RASSF8: variants seen among roughly 807,000 people sequenced by gnomAD.
RASSF8 encodes the protein ras association domain-containing protein 8.
In RASSF8, 22 loss-of-function variants were observed where a neutral mutation model predicts 48.5. The ratio of observed to expected loss-of-function variants is 0.45; its 90% CI spans 0.32 to 0.65. The LOEUF (loss-of-function observed/expected upper bound fraction) is 0.65, where lower values mean the gene tolerates loss of function less well. Among genes scored for constraint, RASSF8 ranks in the 30% least tolerant of loss-of-function variants. The pLI, the probability that RASSF8 is intolerant of heterozygous loss-of-function variation, is 0.03. For missense variants in RASSF8, 418 were observed against 489.2 expected (o/e 0.85, Z 1.37); for synonymous variants, 127 against 171.5 (o/e 0.74, Z 2.03).
chr12:26,007,929 C>T (rs1027844971), intron 2 of RASSF8, among the ~76,000 whole-genome samples: 1 of 152,180 alleles, frequency 6.6e-6, no homozygotes, highest in Admixed American at 6.5e-5. Context: ...TTTATCATCT[C>T]AAGACATTAA....
chr12:25,999,250 G>A (rs1942201015), intron 2 of RASSF8, among the ~76,000 whole-genome samples: 1 of 152,148 alleles, frequency 6.6e-6, no homozygotes, highest in South Asian at 2.1e-4. Flanking sequence ...GATTCACAGT[G>A]AAATCAAGAG....
chr12:26,065,467 T>C, intron 4 of RASSF8, 80 bp downstream of exon 4: 1 of 1,468,792 alleles, frequency 6.8e-7, no homozygotes, highest in Non-Finnish European at 9.1e-7. Flanking sequence ...TCATTGTCAA[T>C]TTTTCCTTAT....
rs545852226 is a variant in RASSF8 at position 25,991,424 on chromosome 12, T to G, written c.-202-3613T>G. ...ACAGACGTAACTTTTTTTTTTTTCT[T>G]TTTTTGAACTCTCACCTAGTTTCTT... is the stretch of plus-strand genomic sequence containing the variant. On this transcript the variant is annotated intron_variant, in intron 1 of 5. Transcript: ENST00000689635. Among the ~76,000 whole-genome samples the G allele has an allele frequency of 6.6e-5, 10 of 152,282 alleles. No homozygotes were observed. The East Asian group carries it at 1.9e-3, about 29-fold the overall frequency.
intron 2 of RASSF8, among the ~76,000 whole-genome samples, chr12:26,040,666 GCCT>G (rs974065977): frequency 3.3e-5 from 5 of 151,990 alleles, no homozygotes; most frequent in African/African-American, 1.2e-4. Context: ...ACTTTACCTG[GCCT>G]CCTCAGTGGT....
rs1483744453 is a variant in RASSF8, at chr12:25,992,036, AATAG to A, written c.-202-2997_-202-2994del. 9.2e-5 allele frequency among the ~76,000 whole-genome samples: 14 copies of A among 152,208 alleles called. No homozygotes were observed. In the East Asian group the frequency reaches 2.1e-3, roughly 23 times the overall value. On this transcript the variant is annotated intron_variant, in intron 1 of 5. Transcript: ENST00000689635. ...TTATGGTCATTTCAAATATTTGTAT[AATAG>A]ATAACTGTTTTTCAGACATGTGGTA...
At chr12:26,073,959 TAGAG>T (rs909294644), downstream of RASSF8, among the ~76,000 whole-genome samples, 7 of 148,082 alleles carry the variant, frequency 4.7e-5, no homozygotes, top group South Asian at 2.2e-4. Flanking sequence ...TCTATATATA[TAGAG>T]AGAGAGAGAG....
chr12:26,066,721 CAA>C (rs1385607922), intron 4 of RASSF8, among the ~76,000 whole-genome samples: 1 of 152,216 alleles, frequency 6.6e-6, no homozygotes. Context: ...CCCCTACACT[CAA>C]ATAAGTGGAG....
intron 1 of RASSF8, among the ~76,000 whole-genome samples, chr12:25,987,940 C>T (rs539198941): frequency 2.4e-4 from 37 of 151,960 alleles, no homozygotes; most frequent in Admixed American, 3.9e-4. Flanking sequence ...CAACCTCTGC[C>T]TCCCGGGTTC....
chr12:26,009,994 A>G (rs1942484099), intron 2 of RASSF8, among the ~76,000 whole-genome samples: 1 of 152,204 alleles, frequency 6.6e-6, no homozygotes, highest in African/African-American at 2.4e-5. Flanking sequence ...GAAAAGAAAA[A>G]CTGATGGAGA....
At chr12:26,047,979 C>T (rs1943407642) in intron 2 of RASSF8, among the ~76,000 whole-genome samples, 3 of 152,136 alleles carry the variant, frequency 2.0e-5, no homozygotes, top group South Asian at 2.1e-4. Flanking sequence ...AGGCAGATGC[C>T]GTAAGGGTCC....
intron 2 of RASSF8, among the ~76,000 whole-genome samples, chr12:26,009,807 G>C (rs1450549556): frequency 6.6e-6 from 1 of 152,098 alleles, no homozygotes; most frequent in African/African-American, 2.4e-5. Context: ...AGATGGTAGG[G>C]GCAAAAGCAT....
At chr12:26,052,054 C>G (rs555199180) in intron 2 of RASSF8, among the ~76,000 whole-genome samples, 2 of 152,184 alleles carry the variant, frequency 1.3e-5, no homozygotes, top group African/African-American at 2.4e-5. Context: ...AGCTGAAACA[C>G]AAAGGCAATG....
chr12:26,058,884 A>G (rs1393175002), intron 3 of RASSF8, among the ~76,000 whole-genome samples: 1 of 152,226 alleles, frequency 6.6e-6, no homozygotes, highest in Non-Finnish European at 1.5e-5. Context: ...CAGAATAACT[A>G]AAAGTGAAAC....
At chr12:26,019,546 G>A (rs558077505) in intron 2 of RASSF8, among the ~76,000 whole-genome samples, 3 of 150,816 alleles carry the variant, frequency 2.0e-5, no homozygotes, top group Non-Finnish European at 4.4e-5. Context: ...AGGCTTGTGT[G>A]GAAGTTCGGG....
intron 2 of RASSF8, among the ~76,000 whole-genome samples, chr12:26,010,376 C>T (rs1251740481): frequency 6.6e-6 from 1 of 152,140 alleles, no homozygotes; most frequent in Non-Finnish European, 1.5e-5. Context: ...TGGCACAGAG[C>T]CTGTAGAATA....
chr12:26,028,953 G>T (rs1411028271), intron 2 of RASSF8, among the ~76,000 whole-genome samples: 2 of 152,148 alleles, frequency 1.3e-5, no homozygotes, highest in Non-Finnish European at 2.9e-5. Context: ...CGATACTTAG[G>T]TTTGACATGC....
At chr12:26,075,690 C>G (rs1281196287), downstream of RASSF8, among the ~76,000 whole-genome samples, 1 of 152,164 alleles carries the variant, frequency 6.6e-6, no homozygotes, top group Non-Finnish European at 1.5e-5. Context: ...TCCTGCAATG[C>G]TGGAAGTGTG....
intron 2 of RASSF8, among the ~76,000 whole-genome samples, chr12:26,003,163 A>G (rs2136990436): frequency 6.6e-6 from 1 of 152,274 alleles, no homozygotes; most frequent in Non-Finnish European, 1.5e-5. Context: ...TTTATCATGA[A>G]GGGATGTTGA....
At chr12:26,019,223 G>T (rs1005354714) in intron 2 of RASSF8, among the ~76,000 whole-genome samples, 1 of 152,132 alleles carries the variant, frequency 6.6e-6, no homozygotes, top group Admixed American at 6.6e-5. Flanking sequence ...GTCACATGAG[G>T]TAAGTTTTGC....
Sources: gnomAD v4.1 joint callset for allele counts (sites outside exome capture counted in the v4.1 genomes callset) on GRCh38, gnomAD v4.1.1 for gene constraint, MANE v1.5 for transcripts, NCBI Gene and HGNC (gene_info 2026-07-23, HGNC 2026-07-21) for gene names.